Variants in ANKRD28 observed in about 807,000 individuals in gnomAD.
ANKRD28 encodes the protein serine/threonine-protein phosphatase 6 regulatory ankyrin repeat subunit A.
A neutral mutation model predicts 126.5 loss-of-function variants in ANKRD28; 44 were observed. The ratio of observed to expected loss-of-function variants is 0.35; its 90% confidence interval spans 0.27 to 0.45. The LOEUF (loss-of-function observed/expected upper bound fraction) is 0.45, where lower values mean the gene tolerates loss of function less well. Among genes scored for constraint, ANKRD28 ranks in the 20% least tolerant of loss-of-function variants. The pLI, the probability that ANKRD28 is intolerant of heterozygous loss-of-function variation, is 1.00. For missense variants in ANKRD28, 1,110 were observed against 1,316.6 expected (o/e 0.84, Z 2.43); for synonymous variants, 442 against 468.5 (o/e 0.94, Z 0.73).
intron 1 of ANKRD28, among the ~76,000 whole-genome samples, chr3:15,805,286 C>T (rs1287789990): frequency 1.3e-5 from 2 of 152,078 alleles, no homozygotes; most frequent in African/African-American, 2.4e-5. Flanking sequence ...GTATGTAGTA[C>T]TGCATTTAAG....
rs573337071 is a variant in ANKRD28 at position 15,742,472 on chromosome 3, T to C, written c.352-5239A>G. Among the ~76,000 whole-genome samples the C allele has an allele frequency of 5.8e-5, 8 of 137,028 alleles. No individual in the cohort carries two copies. In the South Asian group the frequency reaches 2.0e-3, roughly 34 times the overall value. The allele number at this position is 137,028 out of a possible 152,430, so 89.9% of individuals were successfully genotyped here. A position where few individuals can be genotyped will look rare whatever the true frequency, so the allele number is the denominator to read the frequency against. ...GGAGCGTCTCTGCCCAGCCGCCCCG[T>C]CTGAGAAGTGAGGAGACCCTCCGCC... On this transcript the variant is annotated intron_variant, in intron 4 of 27. Coordinates refer to ENST00000683139, the MANE Select transcript of ANKRD28 (RefSeq NM_001349278.2).
rs919334162 is a variant in ANKRD28, at chr3:15,814,206, T to C, written c.28-18900A>G. ...ACTAACAAATTACAAGAGCTGCCTATATTACTGCAAGAGACTACTAGAAAA... is the reference window on the plus strand; with the variant it reads ...ACTAACAAATTACAAGAGCTGCCTACATTACTGCAAGAGACTACTAGAAAA... On this transcript the variant is annotated intron_variant, in intron 1 of 27. Transcript: ENST00000399451. This position sits in a 1 kb window ranked among gnomAD's most constrained non-coding sequence, Gnocchi z 4.7. 8 of 1,150,170 alleles carry C rather than the reference T, an allele frequency of 7.0e-6. No homozygotes were observed. Among genetic ancestry groups the C allele is most frequent in the Non-Finnish European group, 8.8e-6 (8 of 904,168 alleles). The allele number at this position is 1,150,170 out of a possible 1,614,324, so 71.2% of individuals were successfully genotyped here. A position where few individuals can be genotyped will look rare whatever the true frequency, so the allele number is the denominator to read the frequency against.
At chr3:15,808,864 CATT>C (rs1309689576) in intron 1 of ANKRD28, among the ~76,000 whole-genome samples, 1 of 152,166 alleles carries the variant, frequency 6.6e-6, no homozygotes, top group Non-Finnish European at 1.5e-5. Context: ...ACAAAATCAT[CATT>C]ATTCTCAACT....
chr3:15,793,577 T>C (rs973952666), intron 2 of ANKRD28, among the ~76,000 whole-genome samples: 1 of 152,220 alleles, frequency 6.6e-6, no homozygotes, highest in Non-Finnish European at 1.5e-5. Context: ...AATGGAATTA[T>C]AGTTCAAACT....
At position 15,817,236 on chromosome 3, in the gene ANKRD28, AT is replaced by A. The variant is rs2060850306; in HGVS notation, c.28-21931del. 6.6e-6 allele frequency among the ~76,000 whole-genome samples: 1 copy of A among 150,748 alleles called. No homozygotes were observed. Among genetic ancestry groups the A allele is most frequent in the East Asian group, 2.0e-4 (1 of 5,080 alleles). On this transcript the variant is annotated intron_variant, in intron 1 of 27. Transcript: ENST00000399451. The surrounding 1 kb of genome is among the most constrained non-coding windows in gnomAD (Gnocchi z 4.5). ...CGCACAAACATTTCACATACTGATG[AT>A]TTTATCTTGTCAGTAGAAGTACCAT... is the stretch of plus-strand genomic sequence containing the variant.
chr3:15,683,021 A>G (rs917470461), intron 21 of ANKRD28, among the ~76,000 whole-genome samples: 2 of 152,204 alleles, frequency 1.3e-5, no homozygotes. Context: ...GCAGTGATAG[A>G]GTAGGAACTC....
chr3:15,859,405 GC>G, exon 1 of ANKRD28: 1 of 1,527,014 alleles, frequency 6.5e-7, no homozygotes. Context: ...GAACGCCATG[GC>G]GGTCGCCTCC....
intron 2 of ANKRD28, among the ~76,000 whole-genome samples, chr3:15,782,642 C>T (rs1457474879): frequency 2.0e-5 from 3 of 152,108 alleles, no homozygotes; most frequent in African/African-American, 4.8e-5. Context: ...GCCATACTCA[C>T]TAAACTTTGG....
chr3:15,737,161 G>A lies in ANKRD28; in HGVS notation c.424C>T (p.His142Tyr). The part of the protein sequence containing the change: ...ARDKNWQTPL[H>Y]IAAANKAVKC... The stretch of plus-strand genomic sequence containing the variant: ...ACAGCTTTATTAGCAGCAGCTATAT[G>A]TAAAGGGGTTTGCCAATTTTTGTCT... The change falls in exon 5 of 28, where the codon CAT becomes TAT. Residue 142 changes from histidine to tyrosine, a missense_variant. Physicochemically the swap from His to Tyr is moderately conservative, Grantham distance 83. Transcript: ENST00000683139. 2.5e-6 allele frequency: 4 copies of A among 1,614,002 alleles called. No homozygotes were observed. The highest frequency in any genetic ancestry group is 3.4e-6 in the Non-Finnish European group (4 of 1,179,892).
chr3:15,705,110 G>T lies in ANKRD28; in HGVS notation c.1547+2814C>A, dbSNP rs1486893882. Among the ~76,000 whole-genome samples, 3 of 152,180 alleles carry T rather than the reference G, an allele frequency of 2.0e-5. No individual in the cohort carries two copies. The East Asian group carries it at 5.8e-4, about 29-fold the overall frequency. On this transcript the variant is annotated intron_variant, in intron 14 of 27. Coordinates refer to ENST00000683139, the MANE Select transcript of ANKRD28 (RefSeq NM_001349278.2). ...CTTTCGGATCCCAAGTATCAAGCCTGATACTTTCCAGTGTATCAGGCTGTT... is the reference window on the plus strand; with the variant it reads ...CTTTCGGATCCCAAGTATCAAGCCTTATACTTTCCAGTGTATCAGGCTGTT...
chr3:15,850,190 T>TA (rs1238069051), intron 1 of ANKRD28, among the ~76,000 whole-genome samples: 1,537 of 30,942 alleles, frequency 0.05, 70 homozygotes, highest in Admixed American at 0.052. Flanking sequence ...CTACATGCAA[T>TA]AAAAAAAAAA....
At chr3:15,788,737 T>C (rs866450975) in intron 2 of ANKRD28, among the ~76,000 whole-genome samples, 1 of 152,118 alleles carries the variant, frequency 6.6e-6, no homozygotes, top group Non-Finnish European at 1.5e-5. Context: ...TAGTAAATCT[T>C]AGGGAAAGGC....
chr3:15,811,522 T>G (rs1306246326), intron 1 of ANKRD28, among the ~76,000 whole-genome samples: 1 of 152,062 alleles, frequency 6.6e-6, no homozygotes. Context: ...TGGCACAATC[T>G]CAGGTCACTG....
rs1412519744 is a variant in ANKRD28, at chr3:15,853,555, C to T, written c.27+5822G>A. ...TACGATTCTGGCTCACTGCAAGCTC[C>T]GCCTCCTGGGTTCATGCCATTCTCC... On this transcript the variant is annotated intron_variant, in intron 1 of 27. Transcript: ENST00000399451. This position sits in a 1 kb window ranked among gnomAD's most constrained non-coding sequence, Gnocchi z 4.2. Among the ~76,000 whole-genome samples the T allele has an allele frequency of 2.0e-5, 3 of 151,946 alleles. No individual in the cohort carries two copies. Among genetic ancestry groups the T allele is most frequent in the Admixed American group, 6.6e-5 (1 of 15,252 alleles).
intron 1 of ANKRD28, among the ~76,000 whole-genome samples, chr3:15,834,966 G>A (rs995335795): frequency 1.1e-4 from 16 of 152,094 alleles, no homozygotes; most frequent in African/African-American, 3.1e-4. Context: ...TGGCCAACAC[G>A]GCAAAATGCT....
chr3:15,710,780 T>C (rs186972044), intron 12 of ANKRD28, among the ~76,000 whole-genome samples: 25 of 152,222 alleles, frequency 1.6e-4, no homozygotes, highest in Admixed American at 1.4e-3. Flanking sequence ...AATCTCAAAC[T>C]TTCCTCTTCC....
At chr3:15,765,889 T>C (rs2058714975) in intron 3 of ANKRD28, among the ~76,000 whole-genome samples, 2 of 149,316 alleles carry the variant, frequency 1.3e-5, no homozygotes, top group Non-Finnish European at 3.0e-5. Context: ...CCGCTACATA[T>C]AATGCTTATC....
intron 6 of ANKRD28, among the ~76,000 whole-genome samples, chr3:15,733,769 T>C (rs1219707674): frequency 6.6e-6 from 1 of 152,208 alleles, no homozygotes; most frequent in African/African-American, 2.4e-5. Context: ...AGTATACCTA[T>C]GTAGAATTTT....
chr3:15,750,995 A>C (rs2057822944), intron 4 of ANKRD28, among the ~76,000 whole-genome samples: 1 of 152,186 alleles, frequency 6.6e-6, no homozygotes, highest in Non-Finnish European at 1.5e-5. Flanking sequence ...TGCATTTTAG[A>C]AAAGCACCGA....
Sources: allele counts gnomAD v4.1 joint callset (sites outside exome capture counted in the v4.1 genomes callset), GRCh38; gene constraint gnomAD v4.1.1; non-coding constraint Gnocchi (gnomAD v3.1); transcripts MANE v1.5; gene names NCBI Gene and HGNC (gene_info 2026-07-23, HGNC 2026-07-21).